CTNNA3: variants seen among roughly 807,000 people sequenced by gnomAD.
CTNNA3 encodes the protein catenin alpha-3.
Under a neutral mutation model 95.7 loss-of-function variants are expected in CTNNA3, and 76 were observed. The ratio of observed to expected loss-of-function variants is 0.79; its 90% confidence interval spans 0.66 to 0.96. The LOEUF (loss-of-function observed/expected upper bound fraction) is 0.96. Ranked by LOEUF, CTNNA3 falls within the 40% of genes least tolerant of loss-of-function variation. CTNNA3 has a pLI of 0.00. For missense variants in CTNNA3, 1,191 were observed against 1,089.8 expected, an observed-to-expected ratio of 1.09 and a Z score of -1.31; for synonymous variants, 431 against 374.4, an observed-to-expected ratio of 1.15 and a Z score of -1.74.
chr10:66,802,938 G>A (rs948718916), intron 7 of CTNNA3, among the ~76,000 whole-genome samples: 4 of 151,852 alleles, frequency 2.6e-5, no homozygotes, highest in African/African-American at 9.7e-5. Flanking sequence ...TCTGAACCTT[G>A]ATCATCTGAG....
intron 7 of CTNNA3, among the ~76,000 whole-genome samples, chr10:66,827,135 T>A (rs1244682448): frequency 2.0e-5 from 3 of 152,160 alleles, no homozygotes; most frequent in African/African-American, 7.2e-5. Context: ...TATCTACTAG[T>A]CTCAGTCTCC....
At chr10:67,380,020 C>CAAAAA (rs10591803) in intron 5 of CTNNA3, among the ~76,000 whole-genome samples, 10 of 74,062 alleles carry the variant, frequency 1.4e-4, no homozygotes, top group Admixed American at 1.9e-4. Context: ...GACTCCGTCT[C>CAAAAA]AAAAAAAAAA....
intron 11 of CTNNA3, among the ~76,000 whole-genome samples, chr10:66,492,866 A>T (rs1839971701): frequency 6.6e-6 from 1 of 152,178 alleles, no homozygotes; most frequent in South Asian, 2.1e-4. Context: ...TTGATAGAGA[A>T]GGAAGAAACA....
At chr10:66,497,606 T>A (rs903303737) in intron 11 of CTNNA3, among the ~76,000 whole-genome samples, 2 of 152,074 alleles carry the variant, frequency 1.3e-5, no homozygotes, top group African/African-American at 4.8e-5. Context: ...AAGAGCACTG[T>A]ATAGGGCTAA....
intron 17 of CTNNA3, among the ~76,000 whole-genome samples, chr10:65,948,497 A>C (rs2077559332): frequency 6.8e-6 from 1 of 147,644 alleles, no homozygotes; most frequent in East Asian, 2.0e-4. Flanking sequence ...AAGACATCAA[A>C]TATTGCAAAG....
intron 7 of CTNNA3, among the ~76,000 whole-genome samples, chr10:66,810,904 A>G (rs1196616532): frequency 6.6e-6 from 1 of 151,998 alleles, no homozygotes; most frequent in Non-Finnish European, 1.5e-5. Context: ...TTACTCTTAG[A>G]CTGTTATATT....
intron 7 of CTNNA3, among the ~76,000 whole-genome samples, chr10:66,787,426 A>T (rs962169345): frequency 6.6e-6 from 1 of 151,968 alleles, no homozygotes; most frequent in Admixed American, 6.6e-5. Context: ...TTAGGGGGTG[A>T]GGTTGGACAG....
At chr10:65,957,097 G>T (rs1157952748) in intron 17 of CTNNA3, among the ~76,000 whole-genome samples, 1 of 152,154 alleles carries the variant, frequency 6.6e-6, no homozygotes, top group Non-Finnish European at 1.5e-5. Flanking sequence ...ATATATTTAG[G>T]ACAGTTATCT....
At chr10:67,162,762 A>T (rs1301907475) in intron 7 of CTNNA3, among the ~76,000 whole-genome samples, 3 of 151,928 alleles carry the variant, frequency 2.0e-5, no homozygotes, top group Non-Finnish European at 4.4e-5. Context: ...AGAAAAATTA[A>T]CAAAAATAAA....
chr10:66,860,103 A>G (rs1436295090), intron 7 of CTNNA3, among the ~76,000 whole-genome samples: 1 of 150,306 alleles, frequency 6.7e-6, no homozygotes, highest in Non-Finnish European at 1.5e-5. Flanking sequence ...CCAGCATGGC[A>G]CATGTATACA....
intron 5 of CTNNA3, among the ~76,000 whole-genome samples, chr10:67,346,132 C>G (rs1564583411): frequency 6.6e-6 from 1 of 152,088 alleles, no homozygotes; most frequent in Admixed American, 6.6e-5. Flanking sequence ...AAACTCTATA[C>G]TTTGTTCCCT....
At chr10:65,958,091 T>G (rs1260280532) in intron 17 of CTNNA3, among the ~76,000 whole-genome samples, 1 of 147,096 alleles carries the variant, frequency 6.8e-6, no homozygotes, top group Admixed American at 6.9e-5. Context: ...TTCTTTTTAC[T>G]CTTTTTTCTC....
At chr10:67,044,189 G>C (rs896785504) in intron 7 of CTNNA3, among the ~76,000 whole-genome samples, 3 of 151,998 alleles carry the variant, frequency 2.0e-5, no homozygotes, top group Non-Finnish European at 2.9e-5. Context: ...GTGAGAACAT[G>C]TAATATTAAA....
At chr10:66,444,035 C>G (rs972452695) in intron 11 of CTNNA3, among the ~76,000 whole-genome samples, 1 of 152,026 alleles carries the variant, frequency 6.6e-6, no homozygotes, top group Non-Finnish European at 1.5e-5. Context: ...ACGCAGAAGC[C>G]TCAGGAGCCG....
At chr10:66,175,574 GT>G (rs1048572185) in intron 13 of CTNNA3, among the ~76,000 whole-genome samples, 2 of 152,176 alleles carry the variant, frequency 1.3e-5, no homozygotes, top group African/African-American at 4.8e-5. Flanking sequence ...TAACAAAAGG[GT>G]AGGAGCTTGA....
At chr10:66,174,651 C>A (rs1372820503) in intron 13 of CTNNA3, among the ~76,000 whole-genome samples, 1 of 151,654 alleles carries the variant, frequency 6.6e-6, no homozygotes, top group Non-Finnish European at 1.5e-5. Flanking sequence ...TGATAGGATT[C>A]GATAGGGAGG....
intron 3 of CTNNA3, among the ~76,000 whole-genome samples, chr10:67,566,509 A>G (rs1174646252): frequency 1.3e-5 from 2 of 152,248 alleles, no homozygotes; most frequent in South Asian, 4.2e-4. Flanking sequence ...ATCATTAAAA[A>G]GTCAGGAAAC....
At chr10:67,022,025 C>T (rs371543863) in intron 7 of CTNNA3, among the ~76,000 whole-genome samples, 4 of 152,128 alleles carry the variant, frequency 2.6e-5, no homozygotes, top group African/African-American at 9.7e-5. Context: ...TAGACCTTTC[C>T]TACGCATTTG....
rs963335348 is a variant in CTNNA3 at position 65,914,512 on chromosome 10, G to C, written c.*5818C>G. The C allele has an allele frequency of 6.6e-6, 1 of 152,090 alleles. No individual in the cohort carries two copies. Among genetic ancestry groups the C allele is most frequent in the Non-Finnish European group, 1.5e-5 (1 of 68,014 alleles). The allele number at this position is 152,090 out of a possible 1,614,324, so 9.4% of individuals were successfully genotyped here. On this transcript the variant is annotated 3_prime_UTR_variant, in exon 18 of 18. Transcript: ENST00000433211. ...GTATTCAGGCACATACTATGCACAC[G>C]TGTGACCTCCATAAAGAAGGAAAGA...
Sources: allele counts gnomAD v4.1 joint callset (sites outside exome capture counted in the v4.1 genomes callset), GRCh38; gene constraint gnomAD v4.1.1; transcripts MANE v1.5; gene names NCBI Gene and HGNC (gene_info 2026-07-23, HGNC 2026-07-21).